Variants in PLA2R1 observed in about 807,000 individuals in gnomAD.
PLA2R1 encodes secretory phospholipase A2 receptor.
In PLA2R1, 158 loss-of-function variants were observed where a neutral mutation model predicts 195.9. The ratio of observed to expected loss-of-function variants is 0.81; its 90% CI spans 0.71 to 0.92. PLA2R1 has a LOEUF of 0.92. PLA2R1 is among the 40% of genes least tolerant of loss of function. The pLI is 0.00. For missense variants in PLA2R1, 1,626 were observed against 1,764.6 expected, an observed-to-expected ratio of 0.92 and a Z score of 1.41; for synonymous variants, 586 against 598.2, an observed-to-expected ratio of 0.98 and a Z score of 0.30.
intron 1 of PLA2R1, among the ~76,000 whole-genome samples, chr2:160,052,275 G>A (rs1695257673): frequency 6.6e-6 from 1 of 152,280 alleles, no homozygotes; most frequent in South Asian, 2.1e-4. Flanking sequence ...CAAATTGTCT[G>A]TTACCAACCC....
At position 159,955,338 on chromosome 2, in the gene PLA2R1, A is replaced by T; in HGVS notation, c.3162T>A (p.Ser1054Arg). The T allele has an allele frequency of 1.3e-6, 2 of 1,591,322 alleles. No individual in the cohort carries two copies. Among genetic ancestry groups the T allele is most frequent in the Non-Finnish European group, 8.6e-7 (1 of 1,162,468 alleles). ...WSPFDIINIP[S>R]HNTTEVQKHI... ...GTTTCTGAACTTCAGTGGTATTGTG[A>T]CTTGGAATCTTTAAAATAATACACG... Residue 1054 changes from serine to arginine, a missense_variant, in exon 23 of 30, where the codon AGT (serine) becomes AGA (arginine). Coordinates refer to ENST00000283243, the MANE Select transcript of PLA2R1 (RefSeq NM_007366.5).
intron 3 of PLA2R1, among the ~76,000 whole-genome samples, chr2:160,040,277 C>T (rs1694444073): frequency 6.6e-6 from 1 of 151,872 alleles, no homozygotes; most frequent in Non-Finnish European, 1.5e-5. Flanking sequence ...ATTACCCCCA[C>T]TACCCAGGCT....
intron 14 of PLA2R1, among the ~76,000 whole-genome samples, chr2:159,979,515 A>G (rs1689800189): frequency 2.6e-5 from 4 of 152,176 alleles, no homozygotes; most frequent in Admixed American, 6.5e-5. Context: ...GGTATAGGGT[A>G]AAGGGAGTCT....
chr2:159,945,246 G>A lies in PLA2R1; in HGVS notation c.3968-164C>T, dbSNP rs1297761789. 4.0e-5 allele frequency among the ~76,000 whole-genome samples: 6 copies of A among 151,618 alleles called. No individual in the cohort carries two copies. The East Asian group carries it at 1.2e-3, about 29-fold the overall frequency. ...AAGTTTTAGGGTACATGTGCACAAT[G>A]TGCAGGTTAGTTACATATGTATACA... On this transcript the variant is annotated intron_variant, in intron 27 of 29. Transcript: ENST00000283243.
chr2:159,984,435 C>T (rs1372900345), intron 12 of PLA2R1, among the ~76,000 whole-genome samples: 1 of 152,078 alleles, frequency 6.6e-6, no homozygotes, highest in African/African-American at 2.4e-5. Flanking sequence ...AATTTTAGGT[C>T]ACACAGCTAT....
At chr2:159,955,495 C>T in intron 22 of PLA2R1, 149 bp from the exon 23 acceptor site, 1 of 538,020 alleles carries the variant, frequency 1.9e-6, no homozygotes, top group Non-Finnish European at 3.1e-6. Flanking sequence ...ATTTCATAAC[C>T]TACAAAATAA....
intron 3 of PLA2R1, among the ~76,000 whole-genome samples, chr2:160,039,373 G>A (rs1558987277): frequency 6.6e-6 from 1 of 152,072 alleles, no homozygotes; most frequent in South Asian, 2.1e-4. Context: ...ATTCCTGTGT[G>A]TCATCCTTTT....
downstream of PLA2R1, among the ~76,000 whole-genome samples, chr2:159,930,924 C>T (rs1222337998): frequency 6.6e-6 from 1 of 152,246 alleles, no homozygotes; most frequent in Non-Finnish European, 1.5e-5. Flanking sequence ...TCCAATCTGA[C>T]AGGTGGCCTG....
At chr2:160,006,698 A>G (rs1355418) in intron 10 of PLA2R1, among the ~76,000 whole-genome samples, 30,672 of 152,252 alleles carry the variant, frequency 0.2, 3,502 homozygotes, top group Admixed American at 0.35. Flanking sequence ...GAAGAAGCAC[A>G]TTTGAAACAG....
intron 6 of PLA2R1, among the ~76,000 whole-genome samples, chr2:160,023,998 A>AG (rs1208076078): frequency 6.7e-6 from 1 of 148,594 alleles, no homozygotes; most frequent in Non-Finnish European, 1.5e-5. Flanking sequence ...CAACACCACC[A>AG]GGGTCACCTA....
intron 3 of PLA2R1, among the ~76,000 whole-genome samples, chr2:160,036,110 C>T (rs1694149382): frequency 6.6e-6 from 1 of 152,144 alleles, no homozygotes; most frequent in Non-Finnish European, 1.5e-5. Context: ...CTATTCTATA[C>T]ATTCTTTCTA....
chr2:160,040,667 G>A (rs1026340950), intron 3 of PLA2R1, among the ~76,000 whole-genome samples: 4 of 152,136 alleles, frequency 2.6e-5, no homozygotes, highest in Admixed American at 1.3e-4. Context: ...CAGCAAACCT[G>A]TCTTCTCTCT....
At position 160,028,286 on chromosome 2, in the gene PLA2R1, C is replaced by G; in HGVS notation, c.1031G>C (p.Arg344Pro). ...SSFMPSAWRS[R>P]DCESTLPYIC... ...ATATGGCAAGGTGGACTCACAATCC[C>G]GACTCCTCCAGGCACTTGGCATAAA... Residue 344 changes from arginine to proline, a missense_variant, in exon 6 of 30, where the codon CGG (arginine) becomes CCG (proline). Coordinates refer to ENST00000283243, the MANE Select transcript of PLA2R1 (RefSeq NM_007366.5). 1 of 1,602,864 alleles carries G rather than the reference C, an allele frequency of 6.2e-7. No homozygotes were observed. The highest frequency in any genetic ancestry group is 1.1e-5 in the South Asian group (1 of 90,506).
intron 1 of PLA2R1, among the ~76,000 whole-genome samples, chr2:160,048,202 T>C (rs780004873): frequency 2.0e-5 from 3 of 152,228 alleles, no homozygotes; most frequent in Non-Finnish European, 2.9e-5. Flanking sequence ...GGAACTTCTG[T>C]AGTCACACCA....
In PLA2R1 at chr2:159,983,936, T is replaced by C. The variant is rs772910392; in HGVS notation, c.2175A>G (p.Lys725=). The C allele has an allele frequency of 4.5e-6, 7 of 1,563,794 alleles. No individual in the cohort carries two copies. The highest frequency in any genetic ancestry group is 6.1e-6 in the Non-Finnish European group (7 of 1,139,294). Residue 725 remains lysine (K), a synonymous_variant, in exon 13 of 30, where the codon AAA becomes AAG. Transcript: ENST00000283243. ...ENFVNELLHS[K]FNWTEERQFW... ...AATTAACAAGTATTTACCAATTAAA[T>C]TTTGAATGTAAGAGCTCATTCACAA...
intron 1 of PLA2R1, among the ~76,000 whole-genome samples, chr2:160,057,467 T>G (rs952936232): frequency 6.6e-6 from 1 of 152,232 alleles, no homozygotes; most frequent in Non-Finnish European, 1.5e-5. Flanking sequence ...CTTTTACTGT[T>G]GCCTGACACG....
At chr2:160,054,255 G>A (rs1180814119) in intron 1 of PLA2R1, among the ~76,000 whole-genome samples, 1 of 152,000 alleles carries the variant, frequency 6.6e-6, no homozygotes, top group Non-Finnish European at 1.5e-5. Flanking sequence ...GAGCAACATA[G>A]CAAGACCCCT....
chr2:159,962,038 T>C (rs888744407), intron 20 of PLA2R1, among the ~76,000 whole-genome samples: 26 of 152,154 alleles, frequency 1.7e-4, no homozygotes, highest in African/African-American at 6.0e-4. Context: ...ACAAATGGGA[T>C]CTAATTAAAT....
chr2:159,946,490 G>A (rs1687394710), intron 27 of PLA2R1: 1 of 1,028,580 alleles, frequency 9.7e-7, no homozygotes, highest in African/African-American at 1.7e-5. Context: ...ATATTTTCCA[G>A]TAAATATGGT....
Sources: allele counts gnomAD v4.1 joint callset (sites outside exome capture counted in the v4.1 genomes callset), GRCh38; gene constraint gnomAD v4.1.1; transcripts MANE v1.5; gene names NCBI Gene and HGNC (gene_info 2026-07-23, HGNC 2026-07-21).